The following LMO7 variants were observed in gnomAD, a reference collection of about 807,000 sequenced individuals.
The protein encoded by LMO7 is LIM domain only protein 7.
A neutral mutation model predicts 206.5 loss-of-function variants in LMO7; 120 were observed. The ratio of observed to expected loss-of-function variants is 0.58; its 90% confidence interval spans 0.50 to 0.68. The LOEUF (loss-of-function observed/expected upper bound fraction) is 0.68. LMO7 is among the 30% of genes least tolerant of loss of function. LMO7 has a pLI of 0.00. For missense variants in LMO7, 1,959 were observed against 1,957.9 expected (o/e 1.00, Z -0.01); for synonymous variants, 706 against 681.5 (o/e 1.04, Z -0.56).
chr13:75,642,503 T>C (rs1340440237), intron 1 of LMO7, among the ~76,000 whole-genome samples: 3 of 148,150 alleles, frequency 2.0e-5, no homozygotes, highest in Admixed American at 1.3e-4. Context: ...CTTGGGAGGC[T>C]GAGGTGGGAG....
At chr13:75,755,558 C>T (rs1439938506) in intron 3 of LMO7, among the ~76,000 whole-genome samples, 1 of 152,166 alleles carries the variant, frequency 6.6e-6, no homozygotes, top group Non-Finnish European at 1.5e-5. Flanking sequence ...TCCCTAATTT[C>T]AATGACTACC....
At chr13:75,647,708 G>T (rs12854177) in intron 1 of LMO7, among the ~76,000 whole-genome samples, 1,824 of 152,090 alleles carry the variant, frequency 0.012, 12 homozygotes, top group Non-Finnish European at 0.021. Flanking sequence ...AAAAAAAATA[G>T]AAACTTTATT....
intron 3 of LMO7, among the ~76,000 whole-genome samples, chr13:75,747,929 G>T (rs552030): frequency 0.39 from 59,935 of 151,844 alleles, 12,344 homozygotes; most frequent in East Asian, 0.54. Flanking sequence ...GCTGAGTGAG[G>T]GATCCTCATG....
chr13:75,737,782 T>TAAAAAAA (rs71127577), intron 3 of LMO7, among the ~76,000 whole-genome samples: 32 of 36,316 alleles, frequency 8.8e-4, no homozygotes, highest in South Asian at 1.9e-3. Flanking sequence ...TAAAATAAAA[T>TAAAAAAA]AAAAAAAAAA....
At chr13:75,734,959 A>G (rs1566368253) in intron 3 of LMO7, among the ~76,000 whole-genome samples, 1 of 152,108 alleles carries the variant, frequency 6.6e-6, no homozygotes, top group Non-Finnish European at 1.5e-5. Context: ...TTAGCCAGGT[A>G]TGGCTCTGTG....
chr13:75,727,272 T>A (rs2044565983), intron 3 of LMO7, among the ~76,000 whole-genome samples, 174 bp downstream of exon 3: 1 of 152,082 alleles, frequency 6.6e-6, no homozygotes, highest in Admixed American at 6.6e-5. Context: ...TTTCTCTGTT[T>A]CCCTTTTGCC....
intron 9 of LMO7, 45 bp from the exon 10 acceptor site, chr13:75,807,435 T>G: frequency 6.3e-7 from 1 of 1,590,410 alleles, no homozygotes; most frequent in Non-Finnish European, 8.5e-7. Flanking sequence ...CTTTTCTCCC[T>G]AAGCTTAATA....
At chr13:75,690,706 C>G (rs998872059) in intron 1 of LMO7, among the ~76,000 whole-genome samples, 1 of 152,146 alleles carries the variant, frequency 6.6e-6, no homozygotes, top group Non-Finnish European at 1.5e-5. Context: ...CTTATAAAAA[C>G]AAGTGATAGG....
chr13:75,671,155 C>T (rs1273340278), intron 1 of LMO7, among the ~76,000 whole-genome samples: 1 of 151,636 alleles, frequency 6.6e-6, no homozygotes, highest in East Asian at 1.9e-4. Flanking sequence ...GACACCAATG[C>T]CTTCTTCTGG....
intron 1 of LMO7, among the ~76,000 whole-genome samples, chr13:75,680,734 T>A (rs144296128): frequency 1.1e-4 from 17 of 151,930 alleles, no homozygotes; most frequent in Non-Finnish European, 7.4e-5. Flanking sequence ...CCCAACCCCT[T>A]GACAGGCCCC....
chr13:75,855,149 A>G, intron 28 of LMO7, 111 bp from the exon 29 acceptor site: 1 of 657,266 alleles, frequency 1.5e-6, no homozygotes, highest in South Asian at 2.0e-5. Context: ...AGATATATGT[A>G]TAGAGCTTTT....
At chr13:75,738,180 G>A (rs2046107873) in intron 3 of LMO7, among the ~76,000 whole-genome samples, 1 of 152,152 alleles carries the variant, frequency 6.6e-6, no homozygotes, top group Non-Finnish European at 1.5e-5. Context: ...AAAAATTTCT[G>A]TGTAAGGGTT....
At chr13:75,754,763 A>G (rs996485980) in intron 3 of LMO7, among the ~76,000 whole-genome samples, 3 of 152,204 alleles carry the variant, frequency 2.0e-5, no homozygotes, top group Admixed American at 1.3e-4. Context: ...TACTTGATAA[A>G]TGCTTTTGGA....
At chr13:75,680,651 G>A (rs541551756) in intron 1 of LMO7, among the ~76,000 whole-genome samples, 28 of 151,612 alleles carry the variant, frequency 1.8e-4, no homozygotes, top group African/African-American at 6.8e-4. Context: ...TACACGTGCT[G>A]TGGTGGTTTG....
chr13:75,808,241 G>C (rs759824083), intron 10 of LMO7, 42 bp downstream of exon 10: 2 of 1,537,178 alleles, frequency 1.3e-6, no homozygotes, highest in Non-Finnish European at 1.7e-6. Flanking sequence ...GTAATGGATG[G>C]TCTTGTGTAA....
At position 75,844,415 on chromosome 13, in the gene LMO7, CT is replaced by C. The variant is rs1235578609; in HGVS notation, c.4098-900del. 6.0e-4 allele frequency among the ~76,000 whole-genome samples: 85 copies of C among 142,676 alleles called. 1 individual carries two copies. The highest frequency in any genetic ancestry group is 7.0e-4 in the Admixed American group (10 of 14,264). 93.6% of individuals were successfully genotyped at this position (142,676 alleles called of 152,430 possible). ...TATTTTCTTTTTCTTTTGTTTTTTT[CT>C]TTTTTTTTTTTGAGACGTAGTCTCG... On this transcript the variant is annotated intron_variant, in intron 25 of 30. Coordinates refer to ENST00000377534, the MANE Select transcript of LMO7 (RefSeq NM_001306080.2).
intron 1 of LMO7, among the ~76,000 whole-genome samples, chr13:75,683,016 C>T (rs568735631): frequency 4.4e-4 from 66 of 151,038 alleles, no homozygotes; most frequent in African/African-American, 1.6e-3. Flanking sequence ...AGTCTTTTAT[C>T]AGATATGTTT....
At chr13:75,731,923 A>G (rs979836879) in intron 3 of LMO7, among the ~76,000 whole-genome samples, 7 of 151,914 alleles carry the variant, frequency 4.6e-5, no homozygotes, top group African/African-American at 9.7e-5. Context: ...TTCTGGGTTG[A>G]AAATTCTTTA....
At chr13:75,776,162 G>GATATATATATATATATATATATCGGAT (rs2050387331) in intron 4 of LMO7, among the ~76,000 whole-genome samples, 7 of 36,848 alleles carry the variant, frequency 1.9e-4, no homozygotes, top group East Asian at 1.2e-3. Flanking sequence ...ATATATATCG[G>GATATATATATATATATATATATCGGAT]ATATATATAT....
Sources: allele counts gnomAD v4.1 joint callset (sites outside exome capture counted in the v4.1 genomes callset), GRCh38; gene constraint gnomAD v4.1.1; transcripts MANE v1.5; gene names NCBI Gene and HGNC (gene_info 2026-07-23, HGNC 2026-07-21).